MRTFB: variants seen among roughly 807,000 people sequenced by gnomAD.
The protein encoded by MRTFB is myocardin related transcription factor B, also known as myocardin-related transcription factor B.
Under a neutral mutation model 104.2 loss-of-function variants are expected in MRTFB, and 29 were observed. The ratio of observed to expected loss-of-function variants is 0.28; its 90% CI spans 0.21 to 0.38. The LOEUF (loss-of-function observed/expected upper bound fraction) is 0.38. MRTFB is among the 10% of genes least tolerant of loss of function. MRTFB has a pLI of 1.00. For missense variants in MRTFB, 1,270 were observed against 1,341.6 expected (o/e 0.95, Z 0.83); for synonymous variants, 535 against 519.5 (o/e 1.03, Z -0.41).
At chr16:14,174,932 G>T (rs569282738) in intron 3 of MRTFB, among the ~76,000 whole-genome samples, 1 of 152,140 alleles carries the variant, frequency 6.6e-6, no homozygotes, top group Admixed American at 6.5e-5. Flanking sequence ...TGTTGTTTTG[G>T]TTTTCTTTAT....
At chr16:14,077,946 C>G (rs951754734) in intron 1 of MRTFB, among the ~76,000 whole-genome samples, 1 of 152,182 alleles carries the variant, frequency 6.6e-6, no homozygotes, top group South Asian at 2.1e-4. Flanking sequence ...TACCTGAAAA[C>G]CAGAGAACAA....
At chr16:14,242,665 C>T (rs1475876179) in intron 10 of MRTFB, among the ~76,000 whole-genome samples, 3 of 152,172 alleles carry the variant, frequency 2.0e-5, no homozygotes, top group Non-Finnish European at 4.4e-5. Flanking sequence ...TGGGAGGTCA[C>T]TGGAGGTCCC....
intron 3 of MRTFB, among the ~76,000 whole-genome samples, chr16:14,208,369 G>T (rs930529276): frequency 6.6e-6 from 1 of 152,176 alleles, no homozygotes. Context: ...TATTGTGTCT[G>T]ATAGATTTGT....
At chr16:14,218,757 T>A in intron 7 of MRTFB, 63 bp from the exon 8 acceptor site, 4 of 1,473,500 alleles carry the variant, frequency 2.7e-6, no homozygotes, top group Non-Finnish European at 3.7e-6. Flanking sequence ...TTTTCCTCCT[T>A]CACATTAAGC....
intron 2 of MRTFB, among the ~76,000 whole-genome samples, chr16:14,135,341 A>G (rs149064714): frequency 6.6e-6 from 1 of 152,344 alleles, no homozygotes; most frequent in East Asian, 1.9e-4. Flanking sequence ...GTCCCATACA[A>G]TTATAATGCT....
chr16:14,056,246 T>G, the MRTFB span, among the ~76,000 whole-genome samples: 203 of 152,304 alleles, frequency 1.3e-3, no homozygotes, highest in African/African-American at 3.7e-3. Flanking sequence ...TCCAAAATTT[T>G]GGGATTACAG....
At chr16:14,157,913 A>G (rs1567397583) in intron 3 of MRTFB, among the ~76,000 whole-genome samples, 2 of 135,838 alleles carry the variant, frequency 1.5e-5, no homozygotes, top group African/African-American at 3.7e-5. Flanking sequence ...TGACTTTTAT[A>G]TATAGTTTCA....
intron 3 of MRTFB, among the ~76,000 whole-genome samples, chr16:14,178,327 T>C (rs908929926): frequency 3.9e-5 from 6 of 152,114 alleles, no homozygotes; most frequent in African/African-American, 1.4e-4. Flanking sequence ...AGTAGGGTAG[T>C]GTAATCTTGA....
the MRTFB span, chr16:14,021,160 T>G: frequency 1.3e-5 from 2 of 152,258 alleles, no homozygotes; most frequent in African/African-American, 4.8e-5. Flanking sequence ...AGCCCATGGA[T>G]AGCATGTGGC....
chr16:14,029,530 CAT>C, the MRTFB span, among the ~76,000 whole-genome samples: 12,810 of 145,616 alleles, frequency 0.088, 619 homozygotes, highest in Non-Finnish European at 0.098. Flanking sequence ...CACACACACA[CAT>C]ATATATATAT....
chr16:14,027,195 A>G, the MRTFB span, among the ~76,000 whole-genome samples: 2 of 152,254 alleles, frequency 1.3e-5, no homozygotes, highest in Non-Finnish European at 2.9e-5. Flanking sequence ...CTACTCAGCC[A>G]CAAAAAAAGA....
the MRTFB span, among the ~76,000 whole-genome samples, chr16:14,061,056 G>T: frequency 1.3e-5 from 2 of 152,054 alleles, no homozygotes; most frequent in Admixed American, 6.6e-5. Flanking sequence ...TGAAGCAGGA[G>T]AATGGCGTGA....
At chr16:14,258,266 C>T (rs995211254) in intron 16 of MRTFB, 105 bp downstream of exon 16, 4 of 840,018 alleles carry the variant, frequency 4.8e-6, no homozygotes, top group African/African-American at 1.7e-5. Context: ...TACTGAGAAA[C>T]GTGTTCTTCT....
intron 2 of MRTFB, among the ~76,000 whole-genome samples, chr16:14,133,070 A>T (rs1371169415): frequency 1.3e-5 from 2 of 152,246 alleles, no homozygotes; most frequent in African/African-American, 4.8e-5. Context: ...ATATTGGGTT[A>T]AATTGTAAAA....
At chr16:14,125,457 T>A (rs577010299) in intron 2 of MRTFB, among the ~76,000 whole-genome samples, 3 of 152,256 alleles carry the variant, frequency 2.0e-5, no homozygotes, top group Non-Finnish European at 4.4e-5. Context: ...TCTGCTTATG[T>A]CAGCTGGAGC....
At chr16:14,135,869 C>T (rs1248469231) in intron 2 of MRTFB, among the ~76,000 whole-genome samples, 1 of 152,158 alleles carries the variant, frequency 6.6e-6, no homozygotes, top group Non-Finnish European at 1.5e-5. Flanking sequence ...TCTGTTTATG[C>T]TGCTTTCCTT....
At chr16:14,201,581 T>C (rs1467642650) in intron 3 of MRTFB, among the ~76,000 whole-genome samples, 1 of 152,208 alleles carries the variant, frequency 6.6e-6, no homozygotes, top group African/African-American at 2.4e-5. Flanking sequence ...TAAGAAGTCA[T>C]CTACTTAAGG....
At chr16:14,132,242 A>G (rs1363344920) in intron 2 of MRTFB, among the ~76,000 whole-genome samples, 1 of 152,206 alleles carries the variant, frequency 6.6e-6, no homozygotes, top group East Asian at 1.9e-4. Context: ...ATAGAGACAG[A>G]AAGTAGATTA....
Position 14,140,781 on chromosome 16 carries a change from G to A in MRTFB, c.154+21G>A, listed in dbSNP as rs200626065. The A allele has an allele frequency of 3.7e-5, 59 of 1,613,590 alleles. 1 individual carries two copies. In the East Asian group the frequency reaches 1.2e-3, roughly 34 times the overall value. ...AAATGGTGAGTTCAGCATGTGCAAT[G>A]GGATCTTTGATTTAAAGATTTCCCC... On this transcript the variant is annotated intron_variant, in intron 3 of 16. Transcript: ENST00000571589.
Sources: allele counts gnomAD v4.1 joint callset (sites outside exome capture counted in the v4.1 genomes callset), GRCh38; gene constraint gnomAD v4.1.1; transcripts MANE v1.5; gene names NCBI Gene and HGNC (gene_info 2026-07-23, HGNC 2026-07-21).